Variants in DST observed in about 807,000 individuals in gnomAD.
DST encodes the protein bullous pemphigoid antigen.
Under a neutral mutation model 875.2 loss-of-function variants are expected in DST, and 253 were observed. The observed-to-expected ratio is 0.29, with a 90% CI of 0.26 to 0.32. The LOEUF is 0.32. Ranked by LOEUF, DST falls within the 10% of genes least tolerant of loss-of-function variation. DST has a pLI of 1.00. For synonymous variants in DST, 3,124 were observed against 3,197.1 expected (o/e 0.98, Z 0.77); for missense variants, 8,287 against 9,111.6 (o/e 0.91, Z 3.68).
rs79573569 is a variant in DST, at chr6:56,562,297, C to CTGAGTGTTGAAA, written c.14006-98_14006-97insTTTCAACACTCA. ...AATCAAACCCCATCAACAGTAATCA[C>CTGAGTGTTGAAA]ACATAAAACACTGACTCAACTTCAA... On this transcript the variant is annotated intron_variant, in intron 55 of 103. Coordinates refer to ENST00000680361, the MANE Select transcript of DST (RefSeq NM_001374736.1). 287,566 of 734,308 alleles carry CTGAGTGTTGAAA rather than the reference C, an allele frequency of 0.39. 57,762 individuals carry two copies. Among genetic ancestry groups the CTGAGTGTTGAAA allele is most frequent in the Admixed American group, 0.43 (13,070 of 30,382 alleles). 45.5% of individuals were successfully genotyped at this position (734,308 alleles called of 1,614,324 possible).
chr6:56,459,251 G>A lies in DST; in HGVS notation c.23211C>T (p.Pro7737=), dbSNP rs1490465400. ...RTQFADSKKT[P]SRPGSRAGSK... ...TTCCAGCTCGACTTCCTGGTCGGCTGGGAGTCTTCTTGGAATCTGAGGAAA... is the reference window on the plus strand; with the variant it reads ...TTCCAGCTCGACTTCCTGGTCGGCTAGGAGTCTTCTTGGAATCTGAGGAAA... Residue 7737 remains proline, a synonymous_variant, in exon 104 of 104, where the codon CCC becomes CCT. Coordinates refer to ENST00000680361, the MANE Select transcript of DST (RefSeq NM_001374736.1). The A allele has an allele frequency of 1.9e-6, 3 of 1,612,388 alleles. No homozygotes were observed. The highest frequency in any genetic ancestry group is 3.3e-5 in the Admixed American group (2 of 59,756).
At chr6:56,718,423 T>G (rs2099402516) in intron 5 of DST, among the ~76,000 whole-genome samples, 1 of 152,174 alleles carries the variant, frequency 6.6e-6, no homozygotes, top group African/African-American at 2.4e-5. Flanking sequence ...TTAACAAGAA[T>G]GCAGAAAAAC....
rs2098461388 is a variant in DST at position 56,603,194 on chromosome 6, T to C, written c.11157+11A>G. The stretch of plus-strand genomic sequence containing the variant: ...TCTTCATAAATCAAAATTTTGACAT[T>C]TTATGCCTACCATTTCAGAGTCGAT... On this transcript the variant is annotated intron_variant, in intron 42 of 103. Transcript: ENST00000680361. The C allele has an allele frequency of 1.3e-6, 2 of 1,583,846 alleles. No individual in the cohort carries two copies. Among genetic ancestry groups the C allele is most frequent in the East Asian group, 2.3e-5 (1 of 43,872 alleles).
At chr6:56,924,382 C>T (rs1361970352) in intron 2 of DST, among the ~76,000 whole-genome samples, 1 of 150,680 alleles carries the variant, frequency 6.6e-6, no homozygotes, top group Middle Eastern at 3.2e-3. Context: ...ATATTGATCC[C>T]CAGCTCCAGC....
chr6:56,639,680 A>T lies in DST; in HGVS notation c.2697+16T>A, dbSNP rs757022317. ...TATAGATAAGGGAAACAGAAGGTTTAAAAAAAAAAACTTACCAAGAGTTTT... is the reference window on the plus strand; with the variant it reads ...TATAGATAAGGGAAACAGAAGGTTTTAAAAAAAAAACTTACCAAGAGTTTT... On this transcript the variant is annotated intron_variant, in intron 20 of 103. Coordinates refer to ENST00000680361, the MANE Select transcript of DST (RefSeq NM_001374736.1). 16 of 1,324,686 alleles carry T rather than the reference A, an allele frequency of 1.2e-5. No individual in the cohort carries two copies. The highest frequency in any genetic ancestry group is 2.5e-5 in the South Asian group (2 of 78,710). 82.1% of individuals were successfully genotyped at this position (1,324,686 alleles called of 1,614,324 possible).
chr6:56,671,831 T>A (rs914377030), intron 9 of DST, among the ~76,000 whole-genome samples: 1 of 152,178 alleles, frequency 6.6e-6, no homozygotes, highest in African/African-American at 2.4e-5. Context: ...AATCATTCTG[T>A]CACAGGGAAA....
intron 49 of DST, among the ~76,000 whole-genome samples, chr6:56,587,995 T>C (rs1413147007): frequency 6.6e-6 from 1 of 150,528 alleles, no homozygotes; most frequent in Non-Finnish European, 1.5e-5. Context: ...AGGAAGCAAC[T>C]GCATCAACTA....
chr6:56,463,442 G>A, intron 101 of DST, 123 bp downstream of exon 101: 2 of 965,814 alleles, frequency 2.1e-6, no homozygotes, highest in South Asian at 1.8e-5. Flanking sequence ...CCCACAGTAT[G>A]AGAAGGTGCA....
At chr6:56,665,064 C>T (rs1210916846) in intron 10 of DST, among the ~76,000 whole-genome samples, 1 of 152,194 alleles carries the variant, frequency 6.6e-6, no homozygotes, top group Non-Finnish European at 1.5e-5. Flanking sequence ...CCAGGCTCTT[C>T]ATCCTCTTTA....
At chr6:56,515,773 C>G (rs1234953545) in intron 71 of DST, 105 bp from the exon 72 acceptor site, 1 of 763,360 alleles carries the variant, frequency 1.3e-6, no homozygotes, top group Non-Finnish European at 2.1e-6. Context: ...GGGCGTTTGA[C>G]AAATATATGT....
chr6:56,558,165 G>A (rs186832710), intron 58 of DST, among the ~76,000 whole-genome samples: 3 of 151,886 alleles, frequency 2.0e-5, no homozygotes. Flanking sequence ...TTATACCCTC[G>A]ATCATAAAAC....
intron 4 of DST, among the ~76,000 whole-genome samples, chr6:56,790,570 C>G (rs979529808): frequency 6.6e-6 from 1 of 152,220 alleles, no homozygotes; most frequent in African/African-American, 2.4e-5. Flanking sequence ...CACCTTCTTC[C>G]TCCTTTCAGG....
rs2096913415 is a variant in DST at position 56,532,501 on chromosome 6, T to C, written c.16951A>G (p.Arg5651Gly). The C allele has an allele frequency of 6.3e-7, 1 of 1,595,588 alleles. No homozygotes were observed. Among genetic ancestry groups the C allele is most frequent in the Non-Finnish European group, 8.5e-7 (1 of 1,170,718 alleles). Residue 5651 changes from arginine (R) to glycine (G), a missense_variant, in exon 64 of 104, where the codon AGA becomes GGA. Coordinates refer to ENST00000680361, the MANE Select transcript of DST (RefSeq NM_001374736.1). ...AQIQEQKLLQ[R>G]LLDDRKSTVE... ...GTAGATTTTCGGTCATCCAACAATCTCTGGAGAAGCTTGAGACAAAACATT... is the reference window on the plus strand; with the variant it reads ...GTAGATTTTCGGTCATCCAACAATCCCTGGAGAAGCTTGAGACAAAACATT...
intron 47 of DST, among the ~76,000 whole-genome samples, chr6:56,594,766 T>G (rs1228894661): frequency 2.0e-5 from 3 of 152,216 alleles, no homozygotes; most frequent in African/African-American, 7.2e-5. Flanking sequence ...GCTACTCAGC[T>G]TCACTGGGCC....
rs373440035 is a variant in DST at position 56,617,178 on chromosome 6, T to C, written c.4930-2694A>G. 1.1e-5 allele frequency: 18 copies of C among 1,601,748 alleles called. No individual in the cohort carries two copies. Among genetic ancestry groups the C allele is most frequent in the Admixed American group, 6.8e-5 (4 of 59,158 alleles). ...TTAGCTTCCACCAACTGCCTGGCAG[T>C]CACAGTGTGCCTAAGCCCTTGGAAT... On this transcript the variant is annotated intron_variant, in intron 36 of 103. Transcript: ENST00000680361.
In DST at chr6:56,485,475, G is replaced by A. The variant is rs1306860934; in HGVS notation, c.21048-4C>T. On this transcript the variant is annotated splice_region_variant and splice_polypyrimidine_tract_variant and intron_variant, in intron 87 of 103. Coordinates refer to ENST00000680361, the MANE Select transcript of DST (RefSeq NM_001374736.1). ...GGCTTCCTCCAATTTGTTTTGTCTA[G>A]GGAAAAAGGTAGAAAAATTGATCCT... 6.2e-7 allele frequency: 1 copy of A among 1,611,906 alleles called. No individual in the cohort carries two copies. The highest frequency in any genetic ancestry group is 1.3e-5 in the African/African-American group (1 of 74,966).
intron 64 of DST, among the ~76,000 whole-genome samples, chr6:56,530,631 G>A (rs1399393526): frequency 1.3e-5 from 2 of 152,160 alleles, no homozygotes; most frequent in Admixed American, 6.6e-5. Context: ...AATTAATAGT[G>A]ATTCCTATTT....
In DST at chr6:56,607,294, A is replaced by G. The variant is rs1477889633; in HGVS notation, c.7334T>C (p.Met2445Thr). ...ATCATTAAAACTTCCCTGACTGTGC[A>G]TCAATTTATCATGACTTAACAAGGC... ...LSALLSHDKL[M>T]HSQGSFNDTH... Residue 2445 changes from methionine (M) to threonine (T), a missense_variant, in exon 40 of 104, where the codon ATG becomes ACG. Coordinates refer to ENST00000680361, the MANE Select transcript of DST (RefSeq NM_001374736.1). The G allele has an allele frequency of 3.1e-6, 5 of 1,613,534 alleles. No individual in the cohort carries two copies. The highest frequency in any genetic ancestry group is 4.5e-5 in the East Asian group (2 of 44,860).
chr6:56,552,494 T>C lies in DST; in HGVS notation c.16298A>G (p.Glu5433Gly), dbSNP rs1275382438. ...ATTGTCATTGCTTGCCATGAGGGCT[T>C]CTAGTTTCTTTAGAAAGGCTTTTAT... is the stretch of plus-strand genomic sequence containing the variant. ...ETIKAFLKKL[E>G]ALMASNDNAN... Residue 5433 changes from glutamate (E) to glycine (G), a missense_variant, in exon 61 of 104, where the codon GAA (glutamate) becomes GGA (glycine). Coordinates refer to ENST00000680361, the MANE Select transcript of DST (RefSeq NM_001374736.1). The C allele has an allele frequency of 1.9e-6, 3 of 1,613,952 alleles. No homozygotes were observed. The highest frequency in any genetic ancestry group is 2.5e-6 in the Non-Finnish European group (3 of 1,179,874).
Sources: gnomAD v4.1 joint callset for allele counts (sites outside exome capture counted in the v4.1 genomes callset) on GRCh38, gnomAD v4.1.1 for gene constraint, MANE v1.5 for transcripts, NCBI Gene and HGNC (gene_info 2026-07-23, HGNC 2026-07-21) for gene names.